Variants in CEP57L1 observed in about 807,000 individuals in gnomAD.
CEP57L1 encodes the protein centrosomal protein CEP57L1.
Under a neutral mutation model 61.0 loss-of-function variants are expected in CEP57L1, and 37 were observed. The observed-to-expected ratio is 0.61, with a 90% confidence interval of 0.47 to 0.80. The LOEUF is 0.80. Among genes scored for constraint, CEP57L1 ranks in the 30% least tolerant of loss-of-function variants. The pLI is 0.00. For missense variants in CEP57L1, 422 were observed against 524.7 expected, an observed-to-expected ratio of 0.80 and a Z score of 1.91; for synonymous variants, 137 against 162.3, an observed-to-expected ratio of 0.84 and a Z score of 1.19.
At chr6:109,137,279 A>T (rs1231525310) in intron 1 of CEP57L1, among the ~76,000 whole-genome samples, 1 of 151,818 alleles carries the variant, frequency 6.6e-6, no homozygotes, top group East Asian at 1.9e-4. Flanking sequence ...TCACTTAGTT[A>T]TATCATGACT....
intron 1 of CEP57L1, among the ~76,000 whole-genome samples, chr6:109,117,549 C>G (rs1437578565): frequency 6.6e-6 from 1 of 152,172 alleles, no homozygotes; most frequent in African/African-American, 2.4e-5. Context: ...TAGTTTAGAG[C>G]AAGTTCAAAG....
chr6:109,155,357 T>G (rs1773112082), intron 6 of CEP57L1, 50 bp downstream of exon 6: 2 of 995,618 alleles, frequency 2.0e-6, no homozygotes, highest in Non-Finnish European at 2.9e-6. Flanking sequence ...TATGTTTTAT[T>G]ATATTTTTAT....
chr6:109,142,946 G>GCTCTCTCTCTCTCTCTCTCT (rs35714375), intron 1 of CEP57L1, among the ~76,000 whole-genome samples: 1 of 55,478 alleles, frequency 1.8e-5, no homozygotes, highest in Non-Finnish European at 3.7e-5. Flanking sequence ...TGTCTCTCTT[G>GCTCTCTCTCTCTCTCTCTCT]CTCTCTCTCT....
At chr6:109,128,662 G>A (rs1490182512) in intron 1 of CEP57L1, among the ~76,000 whole-genome samples, 1 of 152,126 alleles carries the variant, frequency 6.6e-6, no homozygotes, top group Non-Finnish European at 1.5e-5. Context: ...ATCCTTTGTG[G>A]CATGGCCCTT....
intron 1 of CEP57L1, among the ~76,000 whole-genome samples, chr6:109,135,409 T>C (rs1774743262): frequency 6.6e-6 from 1 of 152,134 alleles, no homozygotes; most frequent in Middle Eastern, 3.2e-3. Context: ...ATACAAAAAT[T>C]AATTCAAGAT....
chr6:109,128,341 CCT>C (rs1773812267), intron 1 of CEP57L1, among the ~76,000 whole-genome samples: 1 of 152,166 alleles, frequency 6.6e-6, no homozygotes, highest in South Asian at 2.1e-4. Context: ...CTGAGTCTTT[CCT>C]CTCTCCTATT....
At position 109,172,324 on chromosome 6, in the gene CEP57L1, C is replaced by T. The variant is rs1210804834; in HGVS notation, c.*9354C>T. ...CACGTAGGCATAGCATGACTGATAG[C>T]CCATGTGGCTGACCTTCAGTTTTCA... On this transcript the variant is annotated 3_prime_UTR_variant, in exon 11 of 11. Coordinates refer to ENST00000517392, the MANE Select transcript of CEP57L1 (RefSeq NM_001271852.3). Among the ~76,000 whole-genome samples, 8 of 152,166 alleles carry T rather than the reference C, an allele frequency of 5.3e-5. No homozygotes were observed. Among genetic ancestry groups the T allele is most frequent in the Admixed American group, 5.2e-4 (8 of 15,276 alleles).
rs1230131983 is a variant in CEP57L1 at position 109,174,037 on chromosome 6, G to T, written c.*11067G>T. 6.7e-6 allele frequency among the ~76,000 whole-genome samples: 1 copy of T among 150,230 alleles called. No homozygotes were observed. The highest frequency in any genetic ancestry group is 6.6e-5 in the Admixed American group (1 of 15,040). ...ATCGCTTGAACCCAGGAGACAGAGGGTGCAGTGAGCCGAGATCATGCCATT... is the reference window on the plus strand; with the variant it reads ...ATCGCTTGAACCCAGGAGACAGAGGTTGCAGTGAGCCGAGATCATGCCATT... On this transcript the variant is annotated 3_prime_UTR_variant, in exon 11 of 11. Coordinates refer to ENST00000517392, the MANE Select transcript of CEP57L1 (RefSeq NM_001271852.3).
At chr6:109,103,639 G>A (rs915709954) in intron 1 of CEP57L1, among the ~76,000 whole-genome samples, 11 of 151,972 alleles carry the variant, frequency 7.2e-5, no homozygotes, top group Non-Finnish European at 1.3e-4. Flanking sequence ...TGTTTTTGGT[G>A]TCTCCAAATT....
intron 1 of CEP57L1, among the ~76,000 whole-genome samples, chr6:109,137,532 C>T (rs921499193): frequency 5.3e-5 from 8 of 152,056 alleles, no homozygotes; most frequent in African/African-American, 1.9e-4. Flanking sequence ...AAACTCCTGA[C>T]CTACTGATCT....
At chr6:109,127,697 T>C (rs868311308) in intron 1 of CEP57L1, among the ~76,000 whole-genome samples, 1 of 152,082 alleles carries the variant, frequency 6.6e-6, no homozygotes, top group Non-Finnish European at 1.5e-5. Context: ...CTCGGCTTGC[T>C]GCAACCTCCG....
chr6:109,157,999 T>TAG lies in CEP57L1; in HGVS notation c.745-1025_745-1024insGA, dbSNP rs1773378103. On this transcript the variant is annotated intron_variant, in intron 7 of 10. Coordinates refer to ENST00000517392, the MANE Select transcript of CEP57L1 (RefSeq NM_001271852.3). ...CCCTTCCCTGAACATTGGCAACCTCTAATCTGTTCACCATCTGTGTATTTT... is the reference window on the plus strand; with the variant it reads ...CCCTTCCCTGAACATTGGCAACCTCTAGAATCTGTTCACCATCTGTGTATTTT... 2.0e-5 allele frequency: 3 copies of TAG among 152,284 alleles called. No individual in the cohort carries two copies. In the South Asian group the frequency reaches 6.2e-4, roughly 31 times the overall value. The allele number at this position is 152,284 out of a possible 1,614,324, so 9.4% of individuals were successfully genotyped here. A position where few individuals can be genotyped will look rare whatever the true frequency, so the allele number is the denominator to read the frequency against.
chr6:109,137,418 C>CAA (rs1475636245), intron 1 of CEP57L1, among the ~76,000 whole-genome samples: 1 of 152,114 alleles, frequency 6.6e-6, no homozygotes, highest in Non-Finnish European at 1.5e-5. Context: ...TCTCCTGCCT[C>CAA]AGCCTCCTGA....
rs548623843 is a variant in CEP57L1 at position 109,171,029 on chromosome 6, T to C, written c.*8059T>C. Among the ~76,000 whole-genome samples the C allele has an allele frequency of 6.6e-6, 1 of 152,346 alleles. No homozygotes were observed. The highest frequency in any genetic ancestry group is 1.9e-4 in the East Asian group (1 of 5,194). ...TCCTTTATAAGCTTAGAAAAATTTATATCAGTATTACATTCTTGATTCTCT... is the reference window on the plus strand; with the variant it reads ...TCCTTTATAAGCTTAGAAAAATTTACATCAGTATTACATTCTTGATTCTCT... On this transcript the variant is annotated 3_prime_UTR_variant, in exon 11 of 11. Transcript: ENST00000517392.
chr6:109,100,049 T>G (rs1704602600), intron 1 of CEP57L1: 1 of 152,342 alleles, frequency 6.6e-6, no homozygotes, highest in African/African-American at 2.4e-5. Context: ...CCGTAAACCT[T>G]GAGTTGCTCT....
intron 1 of CEP57L1, among the ~76,000 whole-genome samples, chr6:109,117,950 G>A (rs1244608354): frequency 2.6e-5 from 4 of 152,170 alleles, no homozygotes; most frequent in Non-Finnish European, 5.9e-5. Context: ...AGTTAAATAA[G>A]CACATTGGAA....
chr6:109,117,027 TAAC>T (rs1195994060), intron 1 of CEP57L1, among the ~76,000 whole-genome samples: 1 of 152,210 alleles, frequency 6.6e-6, no homozygotes, highest in Non-Finnish European at 1.5e-5. Flanking sequence ...AAAAGTGTGT[TAAC>T]AATATTTTAA....
At chr6:109,113,524 A>G (rs1193173497) in intron 1 of CEP57L1, among the ~76,000 whole-genome samples, 2 of 152,148 alleles carry the variant, frequency 1.3e-5, no homozygotes, top group Admixed American at 6.6e-5. Flanking sequence ...GCATTTACCT[A>G]TTTAATAGCA....
In CEP57L1 at chr6:109,163,971, G is replaced by A. The variant is rs1773931151; in HGVS notation, c.*1001G>A. 6.6e-6 allele frequency: 1 copy of A among 152,112 alleles called. No homozygotes were observed. The highest frequency in any genetic ancestry group is 1.5e-5 in the Non-Finnish European group (1 of 68,038). 9.4% of individuals were successfully genotyped at this position (152,112 alleles called of 1,614,324 possible). A position where few individuals can be genotyped will look rare whatever the true frequency, so the allele number is the denominator to read the frequency against. ...TTGGTTTCTCACTCAAATCCTCTGA[G>A]GCAACTGGGGAACTAGAGTCATGAA... On this transcript the variant is annotated 3_prime_UTR_variant, in exon 11 of 11. Transcript: ENST00000517392.
Sources: allele counts gnomAD v4.1 joint callset (sites outside exome capture counted in the v4.1 genomes callset), GRCh38; gene constraint gnomAD v4.1.1; transcripts MANE v1.5; gene names NCBI Gene and HGNC (gene_info 2026-07-23, HGNC 2026-07-21).